Variants in YEATS4 observed in about 807,000 individuals in gnomAD.
The protein encoded by YEATS4 is YEATS domain-containing protein 4.
In YEATS4, 17 loss-of-function variants were observed where a neutral mutation model predicts 30.1. The observed-to-expected ratio is 0.56, with a 90% confidence interval of 0.39 to 0.85. YEATS4 has a LOEUF of 0.85. YEATS4 is among the 40% of genes least tolerant of loss of function. The pLI is 0.00. For synonymous variants in YEATS4, 85 were observed against 87.5 expected (o/e 0.97, Z 0.16); for missense variants, 142 against 268.3 (o/e 0.53, Z 3.29).
chr12:69,379,017 C>T (rs1228120479), intron 6 of YEATS4, among the ~76,000 whole-genome samples: 9 of 152,172 alleles, frequency 5.9e-5, no homozygotes, highest in African/African-American at 2.2e-4. Context: ...CTATTTTCAC[C>T]AGATGTACTA....
chr12:69,404,055 C>T, the YEATS4 span, among the ~76,000 whole-genome samples: 1 of 152,136 alleles, frequency 6.6e-6, no homozygotes, highest in Non-Finnish European at 1.5e-5. Context: ...TCTGAACCAT[C>T]TTCTTTTCCC....
chr12:69,406,655 T>C, the YEATS4 span, among the ~76,000 whole-genome samples: 1 of 152,292 alleles, frequency 6.6e-6, no homozygotes, highest in East Asian at 1.9e-4. Flanking sequence ...TGTAACTGGT[T>C]TTATTTTTTG....
intron 2 of YEATS4, 29 bp downstream of exon 2, chr12:69,362,936 T>C: frequency 6.6e-7 from 1 of 1,521,842 alleles, no homozygotes; most frequent in Non-Finnish European, 8.8e-7. Context: ...TGTAACTGTT[T>C]TACTTAAAGT....
At position 69,359,849 on chromosome 12, in the gene YEATS4, C is replaced by T. The variant is rs1875109270; in HGVS notation, c.-124C>T. ...ACCGCCGTGAGCCCAAGTAACTCGC[C>T]CTCCTTCGGCTAGAAACCCTCCGCC... On this transcript the variant is annotated 5_prime_UTR_variant, in exon 1 of 7. Transcript: ENST00000247843. The T allele has an allele frequency of 2.5e-6, 3 of 1,187,470 alleles. No individual in the cohort carries two copies. Among genetic ancestry groups the T allele is most frequent in the Non-Finnish European group, 2.4e-6 (2 of 844,840 alleles). The allele number at this position is 1,187,470 out of a possible 1,614,324, so 73.6% of individuals were successfully genotyped here. A position where few individuals can be genotyped will look rare whatever the true frequency, so the allele number is the denominator to read the frequency against.
chr12:69,388,307 C>T (rs1868277579), intron 6 of YEATS4, among the ~76,000 whole-genome samples: 1 of 152,176 alleles, frequency 6.6e-6, no homozygotes, highest in Non-Finnish European at 1.5e-5. Context: ...CATATAATTA[C>T]TTCATGTAAT....
chr12:69,417,099 AAAAT>A, the YEATS4 span, among the ~76,000 whole-genome samples: 1 of 149,794 alleles, frequency 6.7e-6, no homozygotes, highest in East Asian at 1.9e-4. Context: ...TAAGTAAATA[AAAAT>A]AAAATAAAAT....
At chr12:69,414,240 T>A in the YEATS4 span, among the ~76,000 whole-genome samples, 1 of 152,222 alleles carries the variant, frequency 6.6e-6, no homozygotes, top group African/African-American at 2.4e-5. Flanking sequence ...TAATTTTAAC[T>A]TTTTAAAAGA....
chr12:69,365,998 C>T (rs901391846), intron 4 of YEATS4, 114 bp downstream of exon 4: 1 of 760,510 alleles, frequency 1.3e-6, no homozygotes, highest in African/African-American at 1.9e-5. Context: ...ATTTATGGCA[C>T]AGTGTATCTT....
chr12:69,413,649 C>T, the YEATS4 span, among the ~76,000 whole-genome samples: 32 of 151,696 alleles, frequency 2.1e-4, no homozygotes, highest in Non-Finnish European at 4.0e-4. Context: ...GTCAGGAGTT[C>T]GAGACCAACC....
the YEATS4 span, among the ~76,000 whole-genome samples, chr12:69,419,846 G>A: frequency 2.0e-5 from 3 of 152,198 alleles, no homozygotes; most frequent in East Asian, 5.8e-4. Flanking sequence ...TGAATGCTGG[G>A]AGGACCTTCC....
the YEATS4 span, among the ~76,000 whole-genome samples, chr12:69,424,438 T>G: frequency 6.6e-6 from 1 of 152,212 alleles, no homozygotes. Context: ...TGAAGCTACT[T>G]TATTCATCTA....
intron 4 of YEATS4, among the ~76,000 whole-genome samples, chr12:69,368,828 C>G (rs1032486456): frequency 1.3e-5 from 2 of 152,192 alleles, no homozygotes; most frequent in Admixed American, 1.3e-4. Flanking sequence ...GTGTCTTCTT[C>G]TCTTAGAAGG....
At chr12:69,386,210 C>T (rs1868250025) in intron 6 of YEATS4, among the ~76,000 whole-genome samples, 1 of 152,200 alleles carries the variant, frequency 6.6e-6, no homozygotes, top group Non-Finnish European at 1.5e-5. Context: ...TTCTTCCAAA[C>T]ATCTAGTGCC....
the YEATS4 span, among the ~76,000 whole-genome samples, chr12:69,405,121 A>G: frequency 1.3e-5 from 2 of 152,134 alleles, no homozygotes; most frequent in Non-Finnish European, 2.9e-5. Context: ...CCAGATCACC[A>G]CTTTCTGGAT....
intron 6 of YEATS4, among the ~76,000 whole-genome samples, chr12:69,371,363 C>G (rs902333734): frequency 1.3e-5 from 2 of 152,136 alleles, no homozygotes; most frequent in Admixed American, 6.5e-5. Flanking sequence ...ACTAGTTTAT[C>G]TTATATTTTT....
At chr12:69,390,089 G>A (rs960565213) in intron 6 of YEATS4, 58 bp from the exon 7 acceptor site, 50 of 1,381,794 alleles carry the variant, frequency 3.6e-5, no homozygotes, top group Non-Finnish European at 4.3e-5. Context: ...TTATTACCCT[G>A]TCATATATCT....
At chr12:69,365,536 G>A in intron 2 of YEATS4, 97 bp from the exon 3 acceptor site, 1 of 780,494 alleles carries the variant, frequency 1.3e-6, no homozygotes, top group South Asian at 1.9e-5. Context: ...TTGAAGGGAA[G>A]TATGTTTTTT....
At chr12:69,370,634 G>A in intron 4 of YEATS4, 72 bp from the exon 5 acceptor site, 2 of 1,245,622 alleles carry the variant, frequency 1.6e-6, no homozygotes, top group Non-Finnish European at 2.2e-6. Flanking sequence ...CTCTATTTCA[G>A]TTAAAAAAAT....
chr12:69,397,029 G>A, the YEATS4 span, among the ~76,000 whole-genome samples: 1 of 152,152 alleles, frequency 6.6e-6, no homozygotes, highest in South Asian at 2.1e-4. Flanking sequence ...ACATGTAAAA[G>A]CGTGTTGAAT....
Sources: allele counts gnomAD v4.1 joint callset (sites outside exome capture counted in the v4.1 genomes callset), GRCh38; gene constraint gnomAD v4.1.1; transcripts MANE v1.5; gene names NCBI Gene and HGNC (gene_info 2026-07-23, HGNC 2026-07-21).